The following CEP112 variants were observed in gnomAD, a reference collection of about 807,000 sequenced individuals.
CEP112 encodes the protein centrosomal protein 112.
In CEP112, 127 loss-of-function variants were observed where a neutral mutation model predicts 153.0. The observed-to-expected ratio is 0.83, with a 90% CI of 0.72 to 0.96. The LOEUF is 0.96. Among genes scored for constraint, CEP112 ranks in the 40% least tolerant of loss-of-function variants. The probability of loss-of-function intolerance (pLI) is 0.00; values close to 1 mark genes in which losing one functional copy is unlikely to be tolerated. For missense variants in CEP112, 1,089 were observed against 1,101.2 expected (o/e 0.99, Z 0.16); for synonymous variants, 358 against 374.4 (o/e 0.96, Z 0.51).
rs529737933 is a variant in CEP112 at position 65,792,297 on chromosome 17, G to A, written c.2395-41573C>T. Among the ~76,000 whole-genome samples the A allele has an allele frequency of 3.9e-5, 6 of 152,284 alleles. No individual in the cohort carries two copies. The East Asian group carries it at 7.7e-4, about 20-fold the overall frequency. ...CTTCTGGCACCAAAATACACAGATCGTAATGGGGACTCTTTAGTATCAGTT... is the reference window on the plus strand; with the variant it reads ...CTTCTGGCACCAAAATACACAGATCATAATGGGGACTCTTTAGTATCAGTT... On this transcript the variant is annotated intron_variant, in intron 21 of 26. Coordinates refer to ENST00000535342, the MANE Select transcript of CEP112 (RefSeq NM_001199165.4).
At chr17:66,037,136 T>C (rs982451813) in intron 12 of CEP112, among the ~76,000 whole-genome samples, 4 of 152,202 alleles carry the variant, frequency 2.6e-5, no homozygotes, top group African/African-American at 9.6e-5. Context: ...AGAAATAATC[T>C]GTTACCATAA....
intron 18 of CEP112, among the ~76,000 whole-genome samples, chr17:65,934,915 C>A (rs558268525): frequency 6.6e-6 from 1 of 152,142 alleles, no homozygotes; most frequent in Non-Finnish European, 1.5e-5. Flanking sequence ...AAAGACACCT[C>A]CTTCACAGGG....
intron 17 of CEP112, among the ~76,000 whole-genome samples, chr17:66,003,349 G>A (rs1204638231): frequency 6.6e-6 from 1 of 152,100 alleles, no homozygotes; most frequent in African/African-American, 2.4e-5. Flanking sequence ...AGAAACTTCA[G>A]GGCTCTTTGA....
intron 16 of CEP112, among the ~76,000 whole-genome samples, chr17:66,012,634 G>A (rs547814703): frequency 6.6e-6 from 1 of 152,278 alleles, no homozygotes; most frequent in South Asian, 2.1e-4. Flanking sequence ...TAGGTGACGT[G>A]CCCCTTCTCT....
intron 21 of CEP112, among the ~76,000 whole-genome samples, chr17:65,849,775 GA>G (rs942328541): frequency 2.6e-5 from 4 of 152,204 alleles, no homozygotes; most frequent in African/African-American, 9.6e-5. Flanking sequence ...AGAGTTAACA[GA>G]AAAGATAAGT....
intron 17 of CEP112, among the ~76,000 whole-genome samples, chr17:65,996,949 CT>C (rs2063813621): frequency 6.6e-6 from 1 of 152,166 alleles, no homozygotes; most frequent in African/African-American, 2.4e-5. Context: ...TGGCCCACGG[CT>C]GTAATCCCAG....
chr17:65,927,050 T>C (rs2060951604), intron 19 of CEP112, among the ~76,000 whole-genome samples: 1 of 152,190 alleles, frequency 6.6e-6, no homozygotes, highest in South Asian at 2.1e-4. Flanking sequence ...GGCGGATCCG[T>C]CATGAATGGC....
chr17:66,167,280 G>A (rs1568568753), intron 4 of CEP112, among the ~76,000 whole-genome samples: 1 of 152,106 alleles, frequency 6.6e-6, no homozygotes, highest in African/African-American at 2.4e-5. Flanking sequence ...AGGCCCTGAT[G>A]AACTATTACA....
At chr17:65,790,952 G>A (rs966438066) in intron 21 of CEP112, among the ~76,000 whole-genome samples, 1 of 151,984 alleles carries the variant, frequency 6.6e-6, no homozygotes, top group Non-Finnish European at 1.5e-5. Context: ...GCACCAACTG[G>A]CATTTTATTT....
chr17:65,805,570 G>A (rs1349589187), intron 21 of CEP112, among the ~76,000 whole-genome samples: 3 of 152,152 alleles, frequency 2.0e-5, no homozygotes, highest in African/African-American at 4.8e-5. Flanking sequence ...TAAGTAGAGC[G>A]TGCTAGAAAA....
chr17:66,149,607 T>C (rs889621430), intron 4 of CEP112, among the ~76,000 whole-genome samples: 2 of 152,136 alleles, frequency 1.3e-5, no homozygotes, highest in Non-Finnish European at 2.9e-5. Flanking sequence ...ATCAAATATA[T>C]TGACATATGG....
rs7210054 is a variant in CEP112 at position 65,840,302 on chromosome 17, C to A, written c.2394+11502G>T. ...CATAACCAAAACAGCATGGTACTGG[C>A]AGAGAAATATACACACTGACCAATG... On this transcript the variant is annotated intron_variant, in intron 21 of 26. Coordinates refer to ENST00000535342, the MANE Select transcript of CEP112 (RefSeq NM_001199165.4). 9.6e-3 allele frequency among the ~76,000 whole-genome samples: 1,456 copies of A among 152,118 alleles called. 31 individuals carry two copies. Among genetic ancestry groups the A allele is most frequent in the African/African-American group, 0.033 (1,389 of 41,540 alleles).
chr17:65,691,597 C>T (rs1342138682), intron 23 of CEP112, among the ~76,000 whole-genome samples: 2 of 152,148 alleles, frequency 1.3e-5, no homozygotes, highest in Non-Finnish European at 2.9e-5. Context: ...TGAGAATGAG[C>T]TTGGAAATCT....
intron 8 of CEP112, among the ~76,000 whole-genome samples, chr17:66,076,110 CG>C (rs1163898449): frequency 6.6e-6 from 1 of 152,100 alleles, no homozygotes; most frequent in African/African-American, 2.4e-5. Context: ...GGACCTTTTG[CG>C]AGGGCAGCTA....
At chr17:65,881,380 TCA>T (rs2059066968) in intron 20 of CEP112, among the ~76,000 whole-genome samples, 1 of 150,854 alleles carries the variant, frequency 6.6e-6, no homozygotes, top group Non-Finnish European at 1.5e-5. Context: ...CACATTAACT[TCA>T]GAGGCAAAGC....
chr17:65,795,085 T>C (rs2054832065), intron 21 of CEP112, among the ~76,000 whole-genome samples: 1 of 152,202 alleles, frequency 6.6e-6, no homozygotes, highest in African/African-American at 2.4e-5. Flanking sequence ...ACAAAACCTA[T>C]GAGGCTGGGA....
chr17:66,190,678 T>A (rs943998927), intron 1 of CEP112, among the ~76,000 whole-genome samples: 14 of 152,174 alleles, frequency 9.2e-5, no homozygotes, highest in Non-Finnish European at 1.9e-4. Context: ...ATAGCTACAA[T>A]CTATATTTGG....
At chr17:65,812,140 A>C (rs2056004809) in intron 21 of CEP112, among the ~76,000 whole-genome samples, 1 of 151,946 alleles carries the variant, frequency 6.6e-6, no homozygotes, top group Non-Finnish European at 1.5e-5. Context: ...AGTAGCTAGG[A>C]CTACAGGCGC....
At chr17:65,994,624 C>T (rs2063715942) in intron 17 of CEP112, among the ~76,000 whole-genome samples, 1 of 152,170 alleles carries the variant, frequency 6.6e-6, no homozygotes, top group Admixed American at 6.5e-5. Context: ...CCATTGCACA[C>T]AGCCCTCATT....
Sources: allele counts gnomAD v4.1 joint callset (sites outside exome capture counted in the v4.1 genomes callset), GRCh38; gene constraint gnomAD v4.1.1; transcripts MANE v1.5; gene names NCBI Gene and HGNC (gene_info 2026-07-23, HGNC 2026-07-21).